IL20RA: variants seen among roughly 807,000 people sequenced by gnomAD.
IL20RA encodes interleukin 20 receptor subunit alpha.
Under a neutral mutation model 36.5 loss-of-function variants are expected in IL20RA, and 29 were observed. The ratio of observed to expected loss-of-function variants is 0.79; its 90% CI spans 0.59 to 1.08. The LOEUF (loss-of-function observed/expected upper bound fraction) is 1.08. IL20RA is among the 50% of genes least tolerant of loss of function. IL20RA has a pLI of 0.00. For missense variants in IL20RA, 652 were observed against 668.4 expected (o/e 0.98, Z 0.27); for synonymous variants, 279 against 267.1 (o/e 1.04, Z -0.43).
chr6:137,004,784 G>T (rs1294377729), intron 5 of IL20RA, 24 bp from the exon 6 acceptor site: 1 of 1,557,186 alleles, frequency 6.4e-7, no homozygotes, highest in South Asian at 1.2e-5. Context: ...AAAAAAGGTG[G>T]GAATTCGGGG....
At chr6:137,034,015 G>A (rs942272188) in intron 1 of IL20RA, among the ~76,000 whole-genome samples, 1 of 152,218 alleles carries the variant, frequency 6.6e-6, no homozygotes, top group African/African-American at 2.4e-5. Flanking sequence ...GACTCAGGAA[G>A]TGGTAAATAG....
rs763466213 is a variant in IL20RA, at chr6:137,017,018, T to TG, written c.173dup (p.Pro59ThrfsTer8). ...CTTTAACTCCTTGAAGACCCTCTGG[T>TG]GGAGTCCATTGTAGGACATTCTTCA... On this transcript the variant is annotated frameshift_variant, in exon 2 of 7. Transcript: ENST00000316649. LOFTEE classifies it high-confidence loss of function. The TG allele has an allele frequency of 1.9e-5, 30 of 1,613,014 alleles. No individual in the cohort carries two copies. The highest frequency in any genetic ancestry group is 2.5e-5 in the Non-Finnish European group (30 of 1,179,094).
intron 1 of IL20RA, among the ~76,000 whole-genome samples, chr6:137,040,396 C>G (rs1163726089): frequency 6.6e-6 from 1 of 151,702 alleles, no homozygotes; most frequent in Non-Finnish European, 1.5e-5. Context: ...AATAAGCATG[C>G]CTCACACCCA....
chr6:137,008,960 C>T (rs1775374389), intron 4 of IL20RA: 1 of 405,914 alleles, frequency 2.5e-6, no homozygotes, highest in Admixed American at 4.8e-5. Context: ...ATGCTGAGAA[C>T]AATTCTAAAC....
intron 1 of IL20RA, among the ~76,000 whole-genome samples, chr6:137,043,616 T>C (rs1233590813): frequency 6.6e-6 from 1 of 152,222 alleles, no homozygotes; most frequent in Non-Finnish European, 1.5e-5. Context: ...ACTTTTCTTA[T>C]TGTTGTAACT....
chr6:137,009,037 GAA>G (rs1775376871), intron 4 of IL20RA: 1 of 569,218 alleles, frequency 1.8e-6, no homozygotes, highest in African/African-American at 1.9e-5. Context: ...TCTTCTCAGA[GAA>G]AGACTGTGCA....
At chr6:137,012,413 AAG>A (rs1344065330) in intron 2 of IL20RA, among the ~76,000 whole-genome samples, 3 of 152,140 alleles carry the variant, frequency 2.0e-5, no homozygotes, top group African/African-American at 7.2e-5. Flanking sequence ...TACTACGAAA[AAG>A]AGCACTGAGA....
At chr6:137,029,574 T>C (rs1016091397) in intron 1 of IL20RA, among the ~76,000 whole-genome samples, 2 of 152,152 alleles carry the variant, frequency 1.3e-5, no homozygotes, top group African/African-American at 2.4e-5. Flanking sequence ...TGTTATAATC[T>C]CCAAAACATC....
intron 1 of IL20RA, among the ~76,000 whole-genome samples, chr6:137,022,406 T>A (rs986271789): frequency 6.6e-6 from 1 of 152,220 alleles, no homozygotes; most frequent in Non-Finnish European, 1.5e-5. Context: ...AGGATTTCTA[T>A]TAATTTGAAA....
chr6:137,034,946 G>GAAA (rs11309213), intron 1 of IL20RA, among the ~76,000 whole-genome samples: 1 of 118,544 alleles, frequency 8.4e-6, no homozygotes, highest in Non-Finnish European at 1.8e-5. Flanking sequence ...CTCCATCTCA[G>GAAA]AAAAAAAAAA....
intron 1 of IL20RA, among the ~76,000 whole-genome samples, chr6:137,032,833 C>A (rs563590333): frequency 1.3e-5 from 2 of 152,180 alleles, no homozygotes; most frequent in South Asian, 4.2e-4. Context: ...CTGAATTACG[C>A]CTTGATAAAG....
intron 2 of IL20RA, among the ~76,000 whole-genome samples, chr6:137,012,946 G>C (rs1562232945): frequency 6.6e-6 from 1 of 151,938 alleles, no homozygotes; most frequent in Non-Finnish European, 1.5e-5. Context: ...CCATCCAAGT[G>C]ATCACTGTTA....
intron 1 of IL20RA, among the ~76,000 whole-genome samples, chr6:137,043,630 T>C (rs1001900635): frequency 6.6e-6 from 1 of 152,240 alleles, no homozygotes; most frequent in African/African-American, 2.4e-5. Context: ...TGTAACTATA[T>C]TGAATTTAAC....
intron 1 of IL20RA, among the ~76,000 whole-genome samples, chr6:137,021,135 G>A (rs3799485): frequency 6.6e-6 from 1 of 151,324 alleles, no homozygotes; most frequent in Non-Finnish European, 1.5e-5. Context: ...TCTGCTTGTC[G>A]ACATTTTATT....
intron 1 of IL20RA, chr6:137,042,921 G>C (rs1225634861): frequency 6.6e-6 from 1 of 152,160 alleles, no homozygotes; most frequent in East Asian, 1.9e-4. Context: ...GCAGTCCTTA[G>C]ACCTTAGCCC....
In IL20RA at chr6:137,001,927, T is replaced by C; in HGVS notation, c.1293A>G (p.Leu431=). ...LQEEVSTQGT[L]LESQAALAVL... is the part of the protein sequence containing the mutation. Reference sequence around the variant, plus strand: ...CTGCCAACGCTGCCTGCGACTCCAATAATGTTCCTTGTGTGGACACCTCCT... The same window carrying C: ...CTGCCAACGCTGCCTGCGACTCCAACAATGTTCCTTGTGTGGACACCTCCT... The change falls in exon 7 of 7, where the codon TTA becomes TTG. Residue 431 remains leucine (L), a synonymous_variant. Transcript: ENST00000316649. The C allele has an allele frequency of 6.2e-7, 1 of 1,614,158 alleles. No individual in the cohort carries two copies. The highest frequency in any genetic ancestry group is 8.5e-7 in the Non-Finnish European group (1 of 1,180,036).
intron 1 of IL20RA, among the ~76,000 whole-genome samples, chr6:137,029,588 A>G (rs935997015): frequency 4.6e-5 from 7 of 152,208 alleles, no homozygotes; most frequent in East Asian, 1.9e-4. Flanking sequence ...AAACATCTCA[A>G]TTGGTAGTAA....
At chr6:137,013,155 C>A (rs1775557081) in intron 2 of IL20RA, among the ~76,000 whole-genome samples, 1 of 152,166 alleles carries the variant, frequency 6.6e-6, no homozygotes, top group Non-Finnish European at 1.5e-5. Context: ...CATTCCATTC[C>A]TTTCCATTAA....
rs200346796 is a variant in IL20RA, at chr6:137,002,249, T to C, written c.971A>G (p.His324Arg). ...TTTTCCCAGTAAACTCATATCCTGA[T>C]GAGAAATTTTAGAATCATCCGAGAT... The part of the protein sequence containing the change: ...LNISDDSKIS[H>R]QDMSLLGKSS... Residue 324 changes from histidine (H) to arginine (R), a missense_variant, in exon 7 of 7, where the codon CAT (histidine) becomes CGT (arginine). Coordinates refer to ENST00000316649, the MANE Select transcript of IL20RA (RefSeq NM_014432.4). 18 of 1,614,130 alleles carry C rather than the reference T, an allele frequency of 1.1e-5. No homozygotes were observed. In the African/African-American group the frequency reaches 1.2e-4, roughly 11 times the overall value.
Sources: allele counts gnomAD v4.1 joint callset (sites outside exome capture counted in the v4.1 genomes callset), GRCh38; gene constraint gnomAD v4.1.1; transcripts MANE v1.5; gene names NCBI Gene and HGNC (gene_info 2026-07-23, HGNC 2026-07-21).